The following TNFRSF19 variants were observed in gnomAD, a reference collection of about 807,000 sequenced individuals.
TNFRSF19 encodes tumor necrosis factor receptor superfamily member 19.
Under a neutral mutation model 46.4 loss-of-function variants are expected in TNFRSF19, and 27 were observed. The ratio of observed to expected loss-of-function variants is 0.58; its 90% CI spans 0.43 to 0.80. TNFRSF19 has a LOEUF of 0.80. Among genes scored for constraint, TNFRSF19 ranks in the 30% least tolerant of loss-of-function variants. The pLI is 0.00. For synonymous variants in TNFRSF19, 204 were observed against 205.0 expected (o/e 1.00, Z 0.04); for missense variants, 511 against 530.8 (o/e 0.96, Z 0.37).
At chr13:23,591,728 C>CTTTTTT (rs1238199379) in intron 2 of TNFRSF19, among the ~76,000 whole-genome samples, 5 of 103,638 alleles carry the variant, frequency 4.8e-5, no homozygotes, top group Non-Finnish European at 8.5e-5. Flanking sequence ...TTCTTTCTTT[C>CTTTTTT]TTTTTTTTTT....
intron 7 of TNFRSF19, among the ~76,000 whole-genome samples, chr13:23,662,458 A>G (rs978656608): frequency 6.6e-6 from 1 of 152,186 alleles, no homozygotes; most frequent in African/African-American, 2.4e-5. Context: ...ATCAGCTAAC[A>G]TGATGCCTCC....
At chr13:23,658,827 G>A (rs1884149653) in intron 5 of TNFRSF19, among the ~76,000 whole-genome samples, 1 of 152,198 alleles carries the variant, frequency 6.6e-6, no homozygotes, top group African/African-American at 2.4e-5. Context: ...TAGCGCTCTG[G>A]GAACAGAGGA....
chr13:23,667,066 CTTTG>C (rs986181113), intron 7 of TNFRSF19, among the ~76,000 whole-genome samples: 3 of 145,674 alleles, frequency 2.1e-5, no homozygotes, highest in Non-Finnish European at 4.5e-5. Context: ...ATGTGTGTGT[CTTTG>C]TGTGTGTGTG....
intron 9 of TNFRSF19, among the ~76,000 whole-genome samples, chr13:23,670,452 G>A (rs1951740852): frequency 6.6e-6 from 1 of 152,166 alleles, no homozygotes; most frequent in Admixed American, 6.5e-5. Flanking sequence ...GAAGGGAGAC[G>A]AGTGAATGAA....
chr13:23,573,216 C>G (rs1877739434), intron 1 of TNFRSF19, among the ~76,000 whole-genome samples: 1 of 152,166 alleles, frequency 6.6e-6, no homozygotes, highest in South Asian at 2.1e-4. Context: ...CACTCTGTAG[C>G]TCATCAAAGA....
intron 5 of TNFRSF19, among the ~76,000 whole-genome samples, chr13:23,655,886 T>C (rs1056359007): frequency 6.6e-6 from 1 of 152,182 alleles, no homozygotes; most frequent in Non-Finnish European, 1.5e-5. Context: ...TCAAATGATA[T>C]TCAGTTCAAT....
chr13:23,641,513 C>A (rs1034748065), intron 5 of TNFRSF19, among the ~76,000 whole-genome samples: 4 of 151,880 alleles, frequency 2.6e-5, no homozygotes, highest in African/African-American at 9.7e-5. Flanking sequence ...GTATTTTTAG[C>A]GGAGATGGGA....
intron 5 of TNFRSF19, among the ~76,000 whole-genome samples, chr13:23,637,755 G>A (rs1249017810): frequency 6.6e-6 from 1 of 152,228 alleles, no homozygotes; most frequent in African/African-American, 2.4e-5. Flanking sequence ...GTGCAGTGAG[G>A]TAAATAAGAG....
chr13:23,656,780 C>T (rs537224915), intron 5 of TNFRSF19, among the ~76,000 whole-genome samples: 2 of 152,246 alleles, frequency 1.3e-5, no homozygotes, highest in Admixed American at 1.3e-4. Context: ...ATGGATAATG[C>T]TTTCATTTCC....
In TNFRSF19 at chr13:23,674,860, T is replaced by G. The variant is rs1951807331; in HGVS notation, c.*1480T>G. The G allele has an allele frequency of 6.6e-6, 1 of 152,224 alleles. No individual in the cohort carries two copies. Among genetic ancestry groups the G allele is most frequent in the Non-Finnish European group, 1.5e-5 (1 of 68,044 alleles). 9.4% of individuals were successfully genotyped at this position (152,224 alleles called of 1,614,324 possible). ...TATTATCCATGGTTTTCTCTGTTTG[T>G]GACAGATTAGTAAAATTTAATGAGC... On this transcript the variant is annotated 3_prime_UTR_variant, in exon 10 of 10. Transcript: ENST00000248484.
At chr13:23,662,333 T>G (rs1157585700) in intron 7 of TNFRSF19, among the ~76,000 whole-genome samples, 1 of 152,214 alleles carries the variant, frequency 6.6e-6, no homozygotes. Flanking sequence ...ATCAGGTAGT[T>G]GTACATGTGT....
chr13:23,650,274 G>A (rs1883556679), intron 5 of TNFRSF19, among the ~76,000 whole-genome samples: 1 of 152,188 alleles, frequency 6.6e-6, no homozygotes, highest in Non-Finnish European at 1.5e-5. Context: ...TTTTAAATAT[G>A]TGGAATAATC....
rs781175216 is a variant in TNFRSF19 at position 23,615,904 on chromosome 13, T to A, written c.218T>A (p.Val73Glu). Residue 73 changes from valine (V) to glutamate (E), a missense_variant, in exon 4 of 10, where the codon GTG becomes GAG. By Grantham distance (121) the Val-to-Glu change is moderately radical (BLOSUM62 -2). This residue lies in a region of TNFRSF19 where 121 missense variants were observed against 124.1 expected (regional missense o/e 0.98). Coordinates refer to ENST00000248484, the MANE Select transcript of TNFRSF19 (RefSeq NM_148957.4). Reference protein sequence around the residue: ...GFGYGEDAQCVTCRLHRFKED... With the variant: ...GFGYGEDAQCETCRLHRFKED... ...GGCTATGGGGAGGATGCACAGTGTG[T>A]GACGTGCCGGCTGCACAGGTTCAAG... 6 of 1,613,460 alleles carry A rather than the reference T, an allele frequency of 3.7e-6. No individual in the cohort carries two copies. Among genetic ancestry groups the A allele is most frequent in the African/African-American group, 1.3e-5 (1 of 74,906 alleles).
intron 3 of TNFRSF19, among the ~76,000 whole-genome samples, chr13:23,614,206 C>T (rs564699892): frequency 6.6e-6 from 1 of 152,216 alleles, no homozygotes; most frequent in South Asian, 2.1e-4. Context: ...TTGTTGTGCA[C>T]ACTCCCGATG....
chr13:23,587,076 A>T (rs1352803886), intron 1 of TNFRSF19, among the ~76,000 whole-genome samples: 1 of 152,076 alleles, frequency 6.6e-6, no homozygotes, highest in African/African-American at 2.4e-5. Context: ...AATCTCAGTT[A>T]TTTGTATGGC....
chr13:23,660,500 G>A lies in TNFRSF19; in HGVS notation c.736+10G>A, dbSNP rs779191388. ...TCAGTGCAGACCTGCGGTAAGTTCA[G>A]CAGGGAAGTGCCGTTAGGAGGACTG... On this transcript the variant is annotated intron_variant, in intron 7 of 9. Coordinates refer to ENST00000248484, the MANE Select transcript of TNFRSF19 (RefSeq NM_148957.4). The A allele has an allele frequency of 1.2e-5, 19 of 1,611,340 alleles. No individual in the cohort carries two copies. In the South Asian group the frequency reaches 2.1e-4, roughly 18 times the overall value.
At chr13:23,662,176 T>C (rs1318995285) in intron 7 of TNFRSF19, among the ~76,000 whole-genome samples, 1 of 152,218 alleles carries the variant, frequency 6.6e-6, no homozygotes, top group Non-Finnish European at 1.5e-5. Flanking sequence ...GGTTTTTACA[T>C]GTAAGTCTTT....
intron 3 of TNFRSF19, among the ~76,000 whole-genome samples, chr13:23,600,290 G>A (rs1314391501): frequency 1.3e-5 from 2 of 152,170 alleles, no homozygotes; most frequent in Non-Finnish European, 2.9e-5. Context: ...CAAGAGAAGT[G>A]AGGTCGCAGG....
chr13:23,638,636 T>G (rs1882845464), intron 5 of TNFRSF19, among the ~76,000 whole-genome samples: 1 of 152,228 alleles, frequency 6.6e-6, no homozygotes, highest in Admixed American at 6.5e-5. Flanking sequence ...TGACCAGATC[T>G]CAGCTGCGGT....
Sources: gnomAD v4.1 joint callset for allele counts (sites outside exome capture counted in the v4.1 genomes callset) on GRCh38, gnomAD v4.1.1 for gene constraint, gnomAD v4.1.1 regional missense constraint, MANE v1.5 for transcripts, NCBI Gene and HGNC (gene_info 2026-07-23, HGNC 2026-07-21) for gene names.